Variants in TMEM132D observed in about 807,000 individuals in gnomAD.
The protein encoded by TMEM132D is transmembrane protein 132D, also known as mature OL transmembrane protein.
A neutral mutation model predicts 62.3 loss-of-function variants in TMEM132D; 21 were observed. The observed-to-expected ratio is 0.34, with a 90% CI of 0.24 to 0.49. The LOEUF (loss-of-function observed/expected upper bound fraction) is 0.49, where lower values mean the gene tolerates loss of function less well. Ranked by LOEUF, TMEM132D falls within the 20% of genes least tolerant of loss-of-function variation. The probability of loss-of-function intolerance (pLI) is 0.99; values close to 1 mark genes in which losing one functional copy is unlikely to be tolerated. For synonymous variants in TMEM132D, 621 were observed against 575.6 expected, an observed-to-expected ratio of 1.08 and a Z score of -1.13; for missense variants, 1,346 against 1,402.8, an observed-to-expected ratio of 0.96 and a Z score of 0.65.
intron 5 of TMEM132D, among the ~76,000 whole-genome samples, chr12:129,159,758 C>CAAAAA (rs1188064357): frequency 3.7e-5 from 1 of 27,388 alleles, no homozygotes; most frequent in African/African-American, 1.1e-4. Context: ...GACTCGGGCT[C>CAAAAA]AAAAAAAAAA....
intron 2 of TMEM132D, among the ~76,000 whole-genome samples, chr12:129,631,479 G>A (rs1448054261): frequency 6.6e-6 from 1 of 152,210 alleles, no homozygotes; most frequent in Non-Finnish European, 1.5e-5. Context: ...GACTCGAGAA[G>A]TTGCACACTA....
In TMEM132D at chr12:129,124,167, C is replaced by T. The variant is rs181615027; in HGVS notation, c.1444-39465G>A. On this transcript the variant is annotated intron_variant, in intron 5 of 8. Coordinates refer to ENST00000422113, the MANE Select transcript of TMEM132D (RefSeq NM_133448.3). ...ATTTACAGGGTTACAGGGAGGGCTC[C>T]GTGGCTCCCATGTGGCCTCACAACC... Among the ~76,000 whole-genome samples, 56 of 152,226 alleles carry T rather than the reference C, an allele frequency of 3.7e-4. 2 individuals carry two copies. The highest frequency in any genetic ancestry group is 2.8e-3 in the Admixed American group (43 of 15,286).
chr12:129,138,583 T>A (rs1876651410), intron 5 of TMEM132D, among the ~76,000 whole-genome samples: 1 of 152,078 alleles, frequency 6.6e-6, no homozygotes, highest in South Asian at 2.1e-4. Flanking sequence ...TAGCCGGGTG[T>A]GGTGGCAGGC....
intron 5 of TMEM132D, among the ~76,000 whole-genome samples, chr12:129,118,379 G>T (rs1272654202): frequency 6.6e-6 from 1 of 152,204 alleles, no homozygotes; most frequent in East Asian, 1.9e-4. Context: ...CAGCTCTGCG[G>T]TACATGGTCT....
At chr12:129,679,311 A>T (rs1308940663) in intron 2 of TMEM132D, among the ~76,000 whole-genome samples, 1 of 152,114 alleles carries the variant, frequency 6.6e-6, no homozygotes, top group African/African-American at 2.4e-5. Flanking sequence ...AAAATGTTAT[A>T]ATCAAGATAT....
chr12:129,665,888 GCTT>G (rs1236294883), intron 2 of TMEM132D, among the ~76,000 whole-genome samples: 1 of 152,084 alleles, frequency 6.6e-6, no homozygotes, highest in Non-Finnish European at 1.5e-5. Context: ...ACATTTTATA[GCTT>G]TTTTTCAGTA....
chr12:129,105,237 T>C lies in TMEM132D; in HGVS notation c.1444-20535A>G, dbSNP rs1207041398. ...CATAAAAAAGGATGAGTTCATGTCC[T>C]TTGTAGGGACATGGATGAAATTGGA... is the stretch of plus-strand genomic sequence containing the variant. On this transcript the variant is annotated intron_variant, in intron 5 of 8. Coordinates refer to ENST00000422113, the MANE Select transcript of TMEM132D (RefSeq NM_133448.3). Among the ~76,000 whole-genome samples, 1,351 of 142,862 alleles carry C rather than the reference T, an allele frequency of 9.5e-3. 70 individuals carry two copies. The highest frequency in any genetic ancestry group is 0.034 in the African/African-American group (1,244 of 36,640). The allele number at this position is 142,862 out of a possible 152,430, so 93.7% of individuals were successfully genotyped here.
At chr12:129,530,722 T>G (rs1404979167) in intron 3 of TMEM132D, among the ~76,000 whole-genome samples, 1 of 152,090 alleles carries the variant, frequency 6.6e-6, no homozygotes, top group African/African-American at 2.4e-5. Flanking sequence ...GGCCGTTTCA[T>G]GAGACATGCA....
At chr12:129,354,040 A>C (rs892661394) in intron 3 of TMEM132D, among the ~76,000 whole-genome samples, 1 of 152,074 alleles carries the variant, frequency 6.6e-6, no homozygotes, top group Non-Finnish European at 1.5e-5. Flanking sequence ...GATGCACTTA[A>C]ATAGATGAAG....
intron 2 of TMEM132D, among the ~76,000 whole-genome samples, chr12:129,575,401 G>T (rs933178757): frequency 6.6e-6 from 1 of 151,676 alleles, no homozygotes; most frequent in Non-Finnish European, 1.5e-5. Context: ...ATTGCCACTC[G>T]CTTGCATGCT....
At chr12:129,730,699 G>A (rs1455240941) in intron 1 of TMEM132D, among the ~76,000 whole-genome samples, 1 of 151,934 alleles carries the variant, frequency 6.6e-6, no homozygotes, top group East Asian at 1.9e-4. Flanking sequence ...CCTCATTCTC[G>A]GTGGGCACCA....
At chr12:129,253,162 G>A (rs1249190127) in intron 4 of TMEM132D, among the ~76,000 whole-genome samples, 1 of 150,758 alleles carries the variant, frequency 6.6e-6, no homozygotes. Context: ...TGCATGTTGT[G>A]CACATGTACC....
intron 4 of TMEM132D, among the ~76,000 whole-genome samples, chr12:129,257,113 A>G (rs1880423278): frequency 6.6e-6 from 1 of 152,048 alleles, no homozygotes; most frequent in African/African-American, 2.4e-5. Context: ...AATAAACTCA[A>G]GGTAAACTGA....
At chr12:129,874,615 T>C (rs1593195004) in intron 1 of TMEM132D, among the ~76,000 whole-genome samples, 2 of 143,192 alleles carry the variant, frequency 1.4e-5, no homozygotes, top group Admixed American at 7.0e-5. Context: ...AAAACGGAGG[T>C]CAAAAAGCTA....
At chr12:129,150,160 T>C (rs1389316353) in intron 5 of TMEM132D, among the ~76,000 whole-genome samples, 1 of 152,168 alleles carries the variant, frequency 6.6e-6, no homozygotes, top group Non-Finnish European at 1.5e-5. Flanking sequence ...CCCGGCAATC[T>C]GGGAAGGCCT....
intron 1 of TMEM132D, among the ~76,000 whole-genome samples, chr12:129,761,211 G>A (rs1264659641): frequency 6.6e-6 from 1 of 152,076 alleles, no homozygotes; most frequent in East Asian, 1.9e-4. Flanking sequence ...TTGACTGTTG[G>A]TTCAATGTCT....
intron 5 of TMEM132D, among the ~76,000 whole-genome samples, chr12:129,205,414 TA>T (rs147922931): frequency 2.9e-5 from 4 of 139,962 alleles, no homozygotes; most frequent in South Asian, 2.3e-4. Context: ...CCAACAAAGA[TA>T]AAAAAAAGAA....
intron 3 of TMEM132D, among the ~76,000 whole-genome samples, chr12:129,419,315 G>A (rs1289997327): frequency 6.6e-6 from 1 of 152,116 alleles, no homozygotes; most frequent in Non-Finnish European, 1.5e-5. Flanking sequence ...AATGTGACCA[G>A]TTTCAGCCAG....
At chr12:129,165,741 A>T (rs1333596377) in intron 5 of TMEM132D, among the ~76,000 whole-genome samples, 1 of 152,216 alleles carries the variant, frequency 6.6e-6, no homozygotes, top group Non-Finnish European at 1.5e-5. Context: ...CATGACAAAA[A>T]GTTAAAACAT....
Sources: allele counts gnomAD v4.1 joint callset (sites outside exome capture counted in the v4.1 genomes callset), GRCh38; gene constraint gnomAD v4.1.1; transcripts MANE v1.5; gene names NCBI Gene and HGNC (gene_info 2026-07-23, HGNC 2026-07-21).